RIN3: variants seen among roughly 807,000 people sequenced by gnomAD.
The protein encoded by RIN3 is Ras and Rab interactor 3, also known as RAB5 interacting protein 3.
RIN3 carries 54 observed loss-of-function variants against 76.3 expected under a neutral mutation model. The observed-to-expected ratio is 0.71, with a 90% CI of 0.57 to 0.89. The LOEUF is 0.89. Ranked by LOEUF, RIN3 falls within the 40% of genes least tolerant of loss-of-function variation. The pLI is 0.00. For synonymous variants in RIN3, 576 were observed against 564.0 expected, an observed-to-expected ratio of 1.02 and a Z score of -0.30; for missense variants, 1,256 against 1,322.1, an observed-to-expected ratio of 0.95 and a Z score of 0.78.
chr14:92,515,111 G>A (rs1461335812), intron 1 of RIN3: 1 of 615,188 alleles, frequency 1.6e-6, no homozygotes, highest in Non-Finnish European at 2.9e-6. Context: ...GGGGCCTTAA[G>A]CTCATCTAGA....
intron 3 of RIN3, among the ~76,000 whole-genome samples, chr14:92,606,591 G>T (rs2140094356): frequency 6.6e-6 from 1 of 152,190 alleles, no homozygotes; most frequent in Middle Eastern, 3.4e-3. Flanking sequence ...TCAAAAATGG[G>T]CAAAGGATCT....
chr14:92,626,239 C>A (rs1886347899), intron 4 of RIN3, among the ~76,000 whole-genome samples: 1 of 152,190 alleles, frequency 6.6e-6, no homozygotes, highest in African/African-American at 2.4e-5. Context: ...TGGTCTGCTG[C>A]AGGAACATTT....
intron 8 of RIN3, among the ~76,000 whole-genome samples, chr14:92,678,046 C>G (rs1015735207): frequency 6.6e-6 from 1 of 151,350 alleles, no homozygotes; most frequent in African/African-American, 2.4e-5. Flanking sequence ...CATCTACCCA[C>G]CAATCCATCA....
chr14:92,554,661 C>G (rs1897528139), intron 1 of RIN3, among the ~76,000 whole-genome samples: 2 of 152,252 alleles, frequency 1.3e-5, no homozygotes, highest in Admixed American at 6.5e-5. Context: ...TGGTTCACAC[C>G]TGTAATCCCA....
At chr14:92,535,720 G>T (rs1241092816) in intron 1 of RIN3, among the ~76,000 whole-genome samples, 1 of 142,460 alleles carries the variant, frequency 7.0e-6, no homozygotes, top group African/African-American at 2.6e-5. Flanking sequence ...TGTCGCCTAG[G>T]CTGGATTTCA....
chr14:92,578,382 C>T (rs546697509), intron 3 of RIN3, among the ~76,000 whole-genome samples: 1 of 152,166 alleles, frequency 6.6e-6, no homozygotes, highest in Non-Finnish European at 1.5e-5. Context: ...ACAATGTCAC[C>T]GGGTTTGGGG....
In RIN3 at chr14:92,547,120, TA is replaced by T. The variant is rs1164133196; in HGVS notation, c.45-8630del. Among the ~76,000 whole-genome samples, 12 of 65,362 alleles carry T rather than the reference TA, an allele frequency of 1.8e-4. 5 individuals are homozygous for T. The highest frequency in any genetic ancestry group is 5.3e-4 in the African/African-American group (8 of 15,132). 42.9% of individuals were successfully genotyped at this position (65,362 alleles called of 152,430 possible). A position where few individuals can be genotyped will look rare whatever the true frequency, so the allele number is the denominator to read the frequency against. Reference sequence around the variant, plus strand: ...ATAATTAAATAAATTATCTTTATTTTATTATTATTATAAAGTAAATTATCTT... The same window carrying T: ...ATAATTAAATAAATTATCTTTATTTTTTATTATTATAAAGTAAATTATCTT... On this transcript the variant is annotated intron_variant, in intron 1 of 9. Transcript: ENST00000216487.
chr14:92,687,928 C>CT lies in RIN3; in HGVS notation c.2636dup (p.Ile880HisfsTer184). On this transcript the variant is annotated frameshift_variant, in exon 10 of 10. Transcript: ENST00000216487. LOFTEE classifies it high-confidence loss of function. ...ACAGGCCCCTCGCGTCTCCGCAGGACTTCATCTGCGTGTCGTACCTGGAGC... is the reference window on the plus strand; with the variant it reads ...ACAGGCCCCTCGCGTCTCCGCAGGACTTTCATCTGCGTGTCGTACCTGGAGC... The CT allele has an allele frequency of 6.5e-7, 1 of 1,543,614 alleles. No individual in the cohort carries two copies. The highest frequency in any genetic ancestry group is 8.7e-7 in the Non-Finnish European group (1 of 1,145,034).
intron 3 of RIN3, among the ~76,000 whole-genome samples, chr14:92,598,386 C>A (rs1487763105): frequency 1.3e-5 from 2 of 152,176 alleles, no homozygotes; most frequent in Non-Finnish European, 2.9e-5. Context: ...CTAGTCAGTG[C>A]CAAAAAGAGC....
chr14:92,582,448 T>TAC (rs1272759307), intron 3 of RIN3, among the ~76,000 whole-genome samples: 1 of 136,466 alleles, frequency 7.3e-6, no homozygotes, highest in Non-Finnish European at 1.6e-5. Flanking sequence ...TTTACTTTTT[T>TAC]TTTTTTTTTT....
chr14:92,564,859 C>T (rs1025484752), intron 2 of RIN3, among the ~76,000 whole-genome samples: 1 of 152,170 alleles, frequency 6.6e-6, no homozygotes, highest in African/African-American at 2.4e-5. Context: ...TCAGCAAGGC[C>T]CCAGACCAGG....
At chr14:92,524,194 T>C (rs1896667102) in intron 1 of RIN3, among the ~76,000 whole-genome samples, 2 of 152,094 alleles carry the variant, frequency 1.3e-5, no homozygotes, top group Admixed American at 6.5e-5. Context: ...ATCCTGTCTG[T>C]ATCCAAAAAA....
intron 2 of RIN3, among the ~76,000 whole-genome samples, chr14:92,559,741 T>C (rs1897709178): frequency 6.6e-6 from 1 of 152,106 alleles, no homozygotes; most frequent in Non-Finnish European, 1.5e-5. Context: ...ATGGGGGAGC[T>C]GACAGAGTCT....
At chr14:92,561,044 A>AAAAAAAAAATATATATATATATATAT (rs1555383856) in intron 2 of RIN3, among the ~76,000 whole-genome samples, 1 of 24,398 alleles carries the variant, frequency 4.1e-5, no homozygotes, top group Admixed American at 6.8e-4. Flanking sequence ...AAAAAAAAAA[A>AAAAAAAAAATATATATATATATATAT]ATATATATAT....
At chr14:92,577,513 C>CGCG (rs758394107) in intron 3 of RIN3, 36 bp downstream of exon 3, 2 of 1,361,972 alleles carry the variant, frequency 1.5e-6, no homozygotes, top group East Asian at 2.3e-5. Flanking sequence ...ACTTTGACCA[C>CGCG]GCGGCAGCAG....
intron 1 of RIN3, among the ~76,000 whole-genome samples, chr14:92,541,211 T>A (rs1333055830): frequency 6.6e-6 from 1 of 152,232 alleles, no homozygotes; most frequent in Non-Finnish European, 1.5e-5. Context: ...TTACTACCCA[T>A]CTCATAAACC....
rs368702908 is a variant in RIN3 at position 92,685,462 on chromosome 14, G to T, written c.2631+312G>T. The T allele has an allele frequency of 2.1e-5, 6 of 287,740 alleles. No individual in the cohort carries two copies. In the South Asian group the frequency reaches 4.6e-4, roughly 22 times the overall value. 17.8% of individuals were successfully genotyped at this position (287,740 alleles called of 1,614,324 possible). A position where few individuals can be genotyped will look rare whatever the true frequency, so the allele number is the denominator to read the frequency against. ...CTCCTAGGACCCAGCACCCTGCAGG[G>T]GCTGGAGATGGGGACTTGTCATCCC... On this transcript the variant is annotated intron_variant, in intron 9 of 9. Coordinates refer to ENST00000216487, the MANE Select transcript of RIN3 (RefSeq NM_024832.5). This position sits in a 1 kb window ranked among gnomAD's most constrained non-coding sequence, Gnocchi z 4.7.
At chr14:92,569,624 A>G (rs1336047594) in intron 2 of RIN3, among the ~76,000 whole-genome samples, 3 of 151,608 alleles carry the variant, frequency 2.0e-5, no homozygotes, top group Non-Finnish European at 2.9e-5. Flanking sequence ...GAGGATGGAG[A>G]ACAGGGTCCA....
intron 2 of RIN3, among the ~76,000 whole-genome samples, chr14:92,564,884 G>A (rs200424805): frequency 6.6e-6 from 1 of 152,234 alleles, no homozygotes; most frequent in Admixed American, 6.5e-5. Flanking sequence ...TTCCCAGAGA[G>A]GAGAGAGGTT....
Sources: gnomAD v4.1 joint callset for allele counts (sites outside exome capture counted in the v4.1 genomes callset) on GRCh38, gnomAD v4.1.1 for gene constraint, Gnocchi (gnomAD v3.1) non-coding constraint, MANE v1.5 for transcripts, NCBI Gene and HGNC (gene_info 2026-07-23, HGNC 2026-07-21) for gene names.